Variants in MSRA observed in about 807,000 individuals in gnomAD.
The protein encoded by MSRA is mitochondrial peptide methionine sulfoxide reductase.
In MSRA, 54 loss-of-function variants were observed where a neutral mutation model predicts 31.3. The observed-to-expected ratio is 1.73, with a 90% CI of 1.39 to 2.17. The LOEUF (loss-of-function observed/expected upper bound fraction) is 2.17, where lower values mean the gene tolerates loss of function less well. MSRA is among the 30% of genes most tolerant of loss of function. The pLI is 0.00. For missense variants in MSRA, 507 were observed against 300.9 expected (o/e 1.69, Z -5.07); for synonymous variants, 169 against 116.5 (o/e 1.45, Z -2.90).
chr8:10,359,964 T>C lies in MSRA; in HGVS notation c.543+39975T>C, dbSNP rs147448068. Reference sequence around the variant, plus strand: ...TCCTGTTTCTGTTCCCCTCCTCCACTTTTACCTGGCCAACCTCCTTCCTTT... The same window carrying C: ...TCCTGTTTCTGTTCCCCTCCTCCACCTTTACCTGGCCAACCTCCTTCCTTT... On this transcript the variant is annotated intron_variant, in intron 5 of 5. Coordinates refer to ENST00000317173, the MANE Select transcript of MSRA (RefSeq NM_012331.5). Among the ~76,000 whole-genome samples the C allele has an allele frequency of 1.9e-4, 29 of 152,344 alleles. No individual in the cohort carries two copies. The East Asian group carries it at 5.6e-3, about 29-fold the overall frequency.
At chr8:10,351,063 T>C (rs560766823) in intron 5 of MSRA, among the ~76,000 whole-genome samples, 1 of 152,322 alleles carries the variant, frequency 6.6e-6, no homozygotes, top group Non-Finnish European at 1.5e-5. Context: ...AAGCTGCCTA[T>C]GCAGCAGAAT....
chr8:10,165,516 C>T lies in MSRA; in HGVS notation c.143-42317C>T, dbSNP rs186419191. 4.6e-5 allele frequency among the ~76,000 whole-genome samples: 7 copies of T among 152,270 alleles called. No individual in the cohort carries two copies. The East Asian group carries it at 1.3e-3, about 29-fold the overall frequency. ...TAAAGACAGGCAAGGGGGCTAAGAC[C>T]AGGCTGGGTGGGGAGAGGGGACAGC... On this transcript the variant is annotated intron_variant, in intron 1 of 5. Transcript: ENST00000317173.
chr8:10,360,912 T>G (rs533968893), intron 5 of MSRA, among the ~76,000 whole-genome samples: 1 of 152,326 alleles, frequency 6.6e-6, no homozygotes, highest in South Asian at 2.1e-4. Flanking sequence ...TGGAACATAC[T>G]TGGGCAAGCC....
chr8:10,227,228 A>G (rs1008667423), intron 2 of MSRA, among the ~76,000 whole-genome samples: 2 of 152,146 alleles, frequency 1.3e-5, no homozygotes, highest in Admixed American at 6.5e-5. Flanking sequence ...GTTGTCTTCA[A>G]GAGGTCAGAG....
chr8:10,151,703 C>T (rs1206122485), intron 1 of MSRA, among the ~76,000 whole-genome samples: 1 of 152,062 alleles, frequency 6.6e-6, no homozygotes, highest in East Asian at 1.9e-4. Context: ...GCGTTGAGTG[C>T]TTGGGTTGGG....
At chr8:10,410,685 C>T (rs1174194021) in intron 5 of MSRA, among the ~76,000 whole-genome samples, 2 of 152,152 alleles carry the variant, frequency 1.3e-5, no homozygotes, top group Non-Finnish European at 2.9e-5. Flanking sequence ...TCTATGCAAA[C>T]ATGATCTCCT....
At chr8:10,378,211 T>G (rs542951007) in intron 5 of MSRA, among the ~76,000 whole-genome samples, 2 of 152,182 alleles carry the variant, frequency 1.3e-5, no homozygotes, top group South Asian at 4.1e-4. Flanking sequence ...CCTCTGGGCC[T>G]TGACACAGAA....
chr8:10,239,390 G>T (rs1474805813), intron 2 of MSRA, among the ~76,000 whole-genome samples: 1 of 152,152 alleles, frequency 6.6e-6, no homozygotes, highest in Non-Finnish European at 1.5e-5. Flanking sequence ...TCGATGTCTT[G>T]ACCTTGTGAT....
intron 2 of MSRA, among the ~76,000 whole-genome samples, chr8:10,232,643 C>A (rs1288914298): frequency 2.0e-5 from 3 of 152,130 alleles, no homozygotes; most frequent in African/African-American, 7.2e-5. Flanking sequence ...CTTTAAGGTT[C>A]TTCCTGAAGA....
At chr8:10,254,884 C>T (rs13282262) in intron 3 of MSRA, among the ~76,000 whole-genome samples, 5,175 of 152,294 alleles carry the variant, frequency 0.034, 124 homozygotes, top group East Asian at 0.089. Flanking sequence ...GATCTGGAAG[C>T]GTTTAGATGG....
intron 1 of MSRA, among the ~76,000 whole-genome samples, chr8:10,095,295 C>T (rs1332271589): frequency 1.3e-5 from 2 of 152,156 alleles, no homozygotes; most frequent in Admixed American, 1.3e-4. Flanking sequence ...CAGTGAATGG[C>T]TTCTAGTACT....
intron 1 of MSRA, among the ~76,000 whole-genome samples, chr8:10,205,899 A>G (rs1808922571): frequency 1.3e-5 from 2 of 152,334 alleles, no homozygotes; most frequent in South Asian, 4.1e-4. Context: ...CATTTAAAAC[A>G]TGTTGGGTAA....
intron 5 of MSRA, among the ~76,000 whole-genome samples, chr8:10,409,702 C>G (rs769109448): frequency 3.3e-5 from 5 of 152,234 alleles, no homozygotes; most frequent in Non-Finnish European, 7.3e-5. Flanking sequence ...CATGCACGTG[C>G]TTGTCCTTGT....
At chr8:10,292,279 G>A (rs1318187742) in intron 3 of MSRA, among the ~76,000 whole-genome samples, 1 of 152,164 alleles carries the variant, frequency 6.6e-6, no homozygotes, top group East Asian at 1.9e-4. Flanking sequence ...AGTGAGTGGT[G>A]GGCAGATGCA....
At chr8:10,252,911 G>C (rs1416084489) in intron 3 of MSRA, among the ~76,000 whole-genome samples, 1 of 152,204 alleles carries the variant, frequency 6.6e-6, no homozygotes, top group Admixed American at 6.5e-5. Context: ...TTCTCTGGCA[G>C]TATCTAGGCG....
intron 2 of MSRA, among the ~76,000 whole-genome samples, chr8:10,223,728 G>A (rs1451095651): frequency 6.6e-6 from 1 of 152,170 alleles, no homozygotes; most frequent in Non-Finnish European, 1.5e-5. Context: ...ATGAAAAATT[G>A]TAGGGGTGTA....
intron 2 of MSRA, among the ~76,000 whole-genome samples, chr8:10,236,358 G>C (rs1811939103): frequency 6.6e-6 from 1 of 152,176 alleles, no homozygotes; most frequent in Non-Finnish European, 1.5e-5. Flanking sequence ...AAATCAATGA[G>C]AAGGTGGAGT....
At chr8:10,238,918 T>C (rs1360929288) in intron 2 of MSRA, among the ~76,000 whole-genome samples, 4 of 152,102 alleles carry the variant, frequency 2.6e-5, no homozygotes, top group African/African-American at 9.7e-5. Flanking sequence ...AACATTCAAA[T>C]TTAAAACATC....
intron 1 of MSRA, among the ~76,000 whole-genome samples, chr8:10,118,984 G>A (rs188365471): frequency 5.3e-5 from 8 of 152,222 alleles, no homozygotes; most frequent in Admixed American, 1.3e-4. Flanking sequence ...TGATCTCAGC[G>A]TTCATGAAGG....
Sources: gnomAD v4.1 joint callset for allele counts (sites outside exome capture counted in the v4.1 genomes callset) on GRCh38, gnomAD v4.1.1 for gene constraint, MANE v1.5 for transcripts, NCBI Gene and HGNC (gene_info 2026-07-23, HGNC 2026-07-21) for gene names.